TMEFF2: variants seen among roughly 807,000 people sequenced by gnomAD.
TMEFF2 encodes tomoregulin-2.
TMEFF2 carries 28 observed loss-of-function variants against 53.8 expected under a neutral mutation model. That is an observed-to-expected ratio of 0.52 (90% CI 0.39 to 0.71). TMEFF2 has a LOEUF of 0.71. Ranked by LOEUF, TMEFF2 falls within the 30% of genes least tolerant of loss-of-function variation. TMEFF2 has a pLI of 0.00. For synonymous variants in TMEFF2, 162 were observed against 166.3 expected, an observed-to-expected ratio of 0.97 and a Z score of 0.20; for missense variants, 353 against 455.2, an observed-to-expected ratio of 0.78 and a Z score of 2.04.
At chr2:192,064,705 C>A (rs1453303222) in intron 4 of TMEFF2, among the ~76,000 whole-genome samples, 1 of 151,734 alleles carries the variant, frequency 6.6e-6, no homozygotes, top group Non-Finnish European at 1.5e-5. Context: ...ATGCTTTTGC[C>A]ATTGAAATGT....
intron 4 of TMEFF2, among the ~76,000 whole-genome samples, chr2:192,127,148 A>G (rs188292646): frequency 8.8e-4 from 134 of 152,304 alleles, no homozygotes; most frequent in Non-Finnish European, 2.9e-4. Context: ...CAAGTCATGA[A>G]AGAATCTAGT....
chr2:191,974,407 T>G (rs13020487), intron 7 of TMEFF2, among the ~76,000 whole-genome samples: 3 of 150,320 alleles, frequency 2.0e-5, no homozygotes, highest in African/African-American at 7.4e-5. Context: ...AAGAATGTGG[T>G]TTTTTTTTGG....
intron 5 of TMEFF2, among the ~76,000 whole-genome samples, chr2:192,013,564 C>T (rs533267868): frequency 1.1e-3 from 170 of 152,082 alleles, no homozygotes; most frequent in Non-Finnish European, 2.1e-3. Context: ...GATTCTCATG[C>T]CTCAGCCTCC....
intron 4 of TMEFF2, among the ~76,000 whole-genome samples, chr2:192,104,016 T>G (rs1210174088): frequency 4.6e-5 from 7 of 151,990 alleles, no homozygotes; most frequent in Non-Finnish European, 1.0e-4. Context: ...CAACTTTCAT[T>G]ATGAAGGCAC....
chr2:192,021,279 A>G (rs1686853178), intron 5 of TMEFF2, among the ~76,000 whole-genome samples: 1 of 152,230 alleles, frequency 6.6e-6, no homozygotes, highest in South Asian at 2.1e-4. Flanking sequence ...AACATCAAAG[A>G]AAGAAAATAG....
At chr2:192,080,234 G>T (rs1688520855) in intron 4 of TMEFF2, among the ~76,000 whole-genome samples, 1 of 152,176 alleles carries the variant, frequency 6.6e-6, no homozygotes, top group South Asian at 2.1e-4. Context: ...ATGTTAAATT[G>T]TAATCCCCAT....
rs1293803980 is a variant in TMEFF2, at chr2:192,111,216, TAGA to T, written c.440-53444_440-53442del. On this transcript the variant is annotated intron_variant, in intron 4 of 9. Transcript: ENST00000272771. ...AGAGGTTGGAACGGTTTGGAGGGCT[TAGA>T]AGAAGATACAAAAATGTGGGAAAGT... Among the ~76,000 whole-genome samples the T allele has an allele frequency of 2.6e-5, 4 of 152,116 alleles. No individual in the cohort carries two copies. The East Asian group carries it at 5.8e-4, about 22-fold the overall frequency.
At chr2:192,117,146 A>G (rs1418533330) in intron 4 of TMEFF2, among the ~76,000 whole-genome samples, 3 of 152,140 alleles carry the variant, frequency 2.0e-5, no homozygotes, top group Non-Finnish European at 4.4e-5. Context: ...AATGTCTGTA[A>G]TCAGATGTAG....
intron 7 of TMEFF2, among the ~76,000 whole-genome samples, chr2:191,991,972 A>G (rs1393257411): frequency 6.6e-6 from 1 of 152,138 alleles, no homozygotes; most frequent in African/African-American, 2.4e-5. Flanking sequence ...AGCAGGAAAA[A>G]TTGTGAGTTA....
At chr2:192,063,189 T>C in intron 4 of TMEFF2, among the ~76,000 whole-genome samples, 1 of 151,986 alleles carries the variant, frequency 6.6e-6, no homozygotes, top group East Asian at 1.9e-4. Context: ...AATGTATAAA[T>C]TGCCTTCTAA....
intron 8 of TMEFF2, among the ~76,000 whole-genome samples, chr2:191,955,967 C>T (rs1692070838): frequency 6.6e-6 from 1 of 152,064 alleles, no homozygotes; most frequent in South Asian, 2.1e-4. Flanking sequence ...TATGGAGGAA[C>T]TTGTACCTTT....
At chr2:191,992,041 A>G (rs1047031694) in intron 7 of TMEFF2, among the ~76,000 whole-genome samples, 3 of 152,110 alleles carry the variant, frequency 2.0e-5, no homozygotes, top group African/African-American at 7.2e-5. Context: ...CAGAGGGGAA[A>G]ATACTTGCAA....
At chr2:192,002,642 C>T (rs543965481) in intron 5 of TMEFF2, among the ~76,000 whole-genome samples, 14 of 151,938 alleles carry the variant, frequency 9.2e-5, no homozygotes, top group Non-Finnish European at 1.3e-4. Context: ...CCAGCCTGGC[C>T]GACACGGTGA....
chr2:192,053,555 T>C (rs1274045425), intron 5 of TMEFF2, among the ~76,000 whole-genome samples: 1 of 152,250 alleles, frequency 6.6e-6, no homozygotes, highest in Non-Finnish European at 1.5e-5. Flanking sequence ...TATTATTTCA[T>C]AATGCAGGAT....
intron 7 of TMEFF2, among the ~76,000 whole-genome samples, chr2:191,996,458 A>G (rs1315369569): frequency 1.3e-5 from 2 of 151,916 alleles, no homozygotes; most frequent in Admixed American, 6.6e-5. Flanking sequence ...ATACCATCAA[A>G]ATATAATAAT....
chr2:192,069,986 GTGTATATATATATATATATATA>G (rs1161239540), intron 4 of TMEFF2, among the ~76,000 whole-genome samples: 20 of 11,680 alleles, frequency 1.7e-3, no homozygotes, highest in African/African-American at 2.4e-3. Context: ...GTGTGTGTGT[GTGTATATATATATATATATATA>G]TATATATATA....
intron 4 of TMEFF2, among the ~76,000 whole-genome samples, chr2:192,096,455 A>AT (rs1444263731): frequency 3.3e-5 from 5 of 151,974 alleles, no homozygotes; most frequent in Non-Finnish European, 7.4e-5. Context: ...TGCATGACTG[A>AT]TTTTTTCAAT....
chr2:192,192,888 G>A (rs1691498299), intron 1 of TMEFF2, among the ~76,000 whole-genome samples: 1 of 152,132 alleles, frequency 6.6e-6, no homozygotes, highest in Non-Finnish European at 1.5e-5. Context: ...CAACACACAT[G>A]TACGCATGAA....
chr2:192,065,644 CTTT>C (rs924480829), intron 4 of TMEFF2, among the ~76,000 whole-genome samples: 54 of 151,538 alleles, frequency 3.6e-4, no homozygotes, highest in African/African-American at 1.3e-3. Flanking sequence ...ATAGGCTTAT[CTTT>C]TTTTACTTTA....
Sources: allele counts gnomAD v4.1 joint callset (sites outside exome capture counted in the v4.1 genomes callset), GRCh38; gene constraint gnomAD v4.1.1; transcripts MANE v1.5; gene names NCBI Gene and HGNC (gene_info 2026-07-23, HGNC 2026-07-21).